Variants in SEMA6D observed in about 807,000 individuals in gnomAD.
The protein encoded by SEMA6D is semaphorin-6D.
Under a neutral mutation model 106.6 loss-of-function variants are expected in SEMA6D, and 35 were observed. The observed-to-expected ratio is 0.33, with a 90% confidence interval of 0.25 to 0.44. The LOEUF (loss-of-function observed/expected upper bound fraction) is 0.44, where lower values mean the gene tolerates loss of function less well. Ranked by LOEUF, SEMA6D falls within the 20% of genes least tolerant of loss-of-function variation. SEMA6D has a pLI of 1.00. For missense variants in SEMA6D, 1,185 were observed against 1,345.9 expected (o/e 0.88, Z 1.87); for synonymous variants, 499 against 487.7 (o/e 1.02, Z -0.31).
At chr15:47,361,160 T>C (rs2145100539) in intron 1 of SEMA6D, among the ~76,000 whole-genome samples, 1 of 152,350 alleles carries the variant, frequency 6.6e-6, no homozygotes, top group Middle Eastern at 3.4e-3. Flanking sequence ...GCCCAGAGCC[T>C]GTCAGTTCCA....
At chr15:47,643,482 G>A (rs552057948) in intron 4 of SEMA6D, among the ~76,000 whole-genome samples, 1 of 152,296 alleles carries the variant, frequency 6.6e-6, no homozygotes, top group African/African-American at 2.4e-5. Context: ...AAACTTTTAT[G>A]TACTTGCTAA....
chr15:47,743,174 A>C (rs2080918558), intron 1 of SEMA6D, among the ~76,000 whole-genome samples: 1 of 152,246 alleles, frequency 6.6e-6, no homozygotes, highest in Admixed American at 6.5e-5. Context: ...AAATCAAGGG[A>C]AGTCCAGATC....
At chr15:47,393,988 T>C (rs2040125463) in intron 1 of SEMA6D, among the ~76,000 whole-genome samples, 2 of 152,184 alleles carry the variant, frequency 1.3e-5, no homozygotes, top group South Asian at 2.1e-4. Context: ...TTAAAGTCTT[T>C]TAGCAAGTGA....
chr15:47,587,844 A>C (rs1296408181), intron 3 of SEMA6D, among the ~76,000 whole-genome samples: 1 of 151,688 alleles, frequency 6.6e-6, no homozygotes, highest in Non-Finnish European at 1.5e-5. Flanking sequence ...TTCAGTAAAT[A>C]CTAGAAAGCC....
intron 1 of SEMA6D, among the ~76,000 whole-genome samples, chr15:47,254,353 A>ATATATATATATAT (rs1555411061): frequency 2.7e-5 from 4 of 147,668 alleles, no homozygotes; most frequent in Non-Finnish European, 4.5e-5. Context: ...ATATATATAT[A>ATATATATATATAT]AATGATTGTG....
chr15:47,312,899 T>C, intron 1 of SEMA6D, among the ~76,000 whole-genome samples: 1 of 152,302 alleles, frequency 6.6e-6, no homozygotes, highest in East Asian at 1.9e-4. Context: ...AGTACTCAGT[T>C]GCCACATGGG....
At chr15:47,558,047 C>T (rs189098078) in intron 3 of SEMA6D, among the ~76,000 whole-genome samples, 8 of 152,174 alleles carry the variant, frequency 5.3e-5, no homozygotes, top group Admixed American at 1.3e-4. Context: ...TCTCACCAGC[C>T]GTCCGTAGAC....
intron 1 of SEMA6D, among the ~76,000 whole-genome samples, chr15:47,737,950 A>C (rs2080545060): frequency 6.6e-6 from 1 of 152,186 alleles, no homozygotes; most frequent in Non-Finnish European, 1.5e-5. Flanking sequence ...CTTTAAAAAA[A>C]CAGAAGCTAA....
At chr15:47,635,172 G>C (rs2077364871) in intron 4 of SEMA6D, among the ~76,000 whole-genome samples, 1 of 152,166 alleles carries the variant, frequency 6.6e-6, no homozygotes, top group Non-Finnish European at 1.5e-5. Flanking sequence ...ACATGGGAAA[G>C]ACACTATGAT....
At chr15:47,212,681 G>A (rs915097293) in intron 1 of SEMA6D, among the ~76,000 whole-genome samples, 3 of 152,122 alleles carry the variant, frequency 2.0e-5, no homozygotes, top group Admixed American at 2.0e-4. Flanking sequence ...ACATAAAGTA[G>A]CATTTCCTTT....
At chr15:47,612,867 A>G (rs1466779443) in intron 4 of SEMA6D, among the ~76,000 whole-genome samples, 6 of 152,164 alleles carry the variant, frequency 3.9e-5, no homozygotes, top group Non-Finnish European at 8.8e-5. Flanking sequence ...AACTTGCTAT[A>G]AATCTGCAAC....
intron 4 of SEMA6D, among the ~76,000 whole-genome samples, chr15:47,645,312 A>G (rs994087842): frequency 9.9e-5 from 15 of 152,116 alleles, no homozygotes; most frequent in African/African-American, 3.6e-4. Context: ...CACCATGGGT[A>G]TTTTATAAAA....
chr15:47,583,918 A>G (rs1435609087), intron 3 of SEMA6D, among the ~76,000 whole-genome samples: 5 of 152,114 alleles, frequency 3.3e-5, no homozygotes, highest in Non-Finnish European at 5.9e-5. Context: ...TTTAGACTGG[A>G]TGTCTTTAGG....
chr15:47,341,256 G>C (rs925817775), intron 1 of SEMA6D, among the ~76,000 whole-genome samples: 16 of 152,104 alleles, frequency 1.1e-4, no homozygotes, highest in East Asian at 7.7e-4. Context: ...CAGGTGTGGT[G>C]GTGGGCGCCT....
At chr15:47,569,453 G>T (rs926905093) in intron 3 of SEMA6D, among the ~76,000 whole-genome samples, 5 of 152,150 alleles carry the variant, frequency 3.3e-5, no homozygotes, top group Admixed American at 3.3e-4. Flanking sequence ...GAGCCCTTAG[G>T]TCATTCCGTG....
At chr15:47,405,693 A>G (rs570371515) in intron 1 of SEMA6D, among the ~76,000 whole-genome samples, 2 of 152,124 alleles carry the variant, frequency 1.3e-5, no homozygotes, top group Admixed American at 1.3e-4. Flanking sequence ...TAATTCCCTC[A>G]TCTAGCTGGG....
At chr15:47,281,531 T>G (rs939467209) in intron 1 of SEMA6D, among the ~76,000 whole-genome samples, 7 of 151,648 alleles carry the variant, frequency 4.6e-5, no homozygotes, top group Middle Eastern at 3.4e-3. Context: ...CATTTACATT[T>G]AAAGTTAATA....
intron 1 of SEMA6D, among the ~76,000 whole-genome samples, chr15:47,366,443 G>A (rs921892974): frequency 2.6e-5 from 4 of 152,166 alleles, no homozygotes; most frequent in Non-Finnish European, 5.9e-5. Flanking sequence ...TCGGAGATGA[G>A]GATATAGTCC....
At chr15:47,675,990 C>G (rs553813111) in intron 4 of SEMA6D, among the ~76,000 whole-genome samples, 1 of 152,210 alleles carries the variant, frequency 6.6e-6, no homozygotes, top group Non-Finnish European at 1.5e-5. Flanking sequence ...TGGGCTGCCC[C>G]TGGCAGTGGC....
Sources: allele counts gnomAD v4.1 joint callset (sites outside exome capture counted in the v4.1 genomes callset), GRCh38; gene constraint gnomAD v4.1.1; transcripts MANE v1.5; gene names NCBI Gene and HGNC (gene_info 2026-07-23, HGNC 2026-07-21).